Variants in IGF1R observed in about 807,000 individuals in gnomAD.
The protein encoded by IGF1R is insulin like growth factor 1 receptor.
IGF1R carries 44 observed loss-of-function variants against 144.6 expected under a neutral mutation model. The ratio of observed to expected loss-of-function variants is 0.30; its 90% CI spans 0.24 to 0.39. The LOEUF is 0.39. Among genes scored for constraint, IGF1R ranks in the 10% least tolerant of loss-of-function variants. The pLI is 1.00. For missense variants in IGF1R, 1,355 were observed against 1,833.7 expected (o/e 0.74, Z 4.77); for synonymous variants, 795 against 722.8 (o/e 1.10, Z -1.60).
chr15:98,805,301 G>A (rs1272863802), intron 2 of IGF1R, among the ~76,000 whole-genome samples: 1 of 151,962 alleles, frequency 6.6e-6, no homozygotes, highest in Non-Finnish European at 1.5e-5. Flanking sequence ...CATCCCACAC[G>A]CTGATTTTTT....
intron 4 of IGF1R, among the ~76,000 whole-genome samples, chr15:98,898,691 C>G (rs1440283732): frequency 2.0e-5 from 3 of 152,150 alleles, no homozygotes; most frequent in Non-Finnish European, 2.9e-5. Context: ...ACAGTAAAAT[C>G]CCATTAATTG....
chr15:98,746,135 GA>G (rs966497447), intron 2 of IGF1R, among the ~76,000 whole-genome samples: 6 of 152,188 alleles, frequency 3.9e-5, no homozygotes, highest in African/African-American at 1.4e-4. Context: ...TAAAGTTAAG[GA>G]GGGTAAATAA....
chr15:98,706,400 G>C (rs2053862958), intron 1 of IGF1R, among the ~76,000 whole-genome samples: 1 of 152,198 alleles, frequency 6.6e-6, no homozygotes, highest in Non-Finnish European at 1.5e-5. Context: ...TAGAAAATAA[G>C]TCATCCAGTA....
At position 98,958,375 on chromosome 15, in the gene IGF1R, A is replaced by G; in HGVS notation, c.*933A>G. On this transcript the variant is annotated 3_prime_UTR_variant, in exon 21 of 21. Transcript: ENST00000650285. ...AGCCTGGCGGACAGGCTTGGAGTCA[A>G]GGGGCCCCATGCCTGCTTCTCTCCC... 1 of 218,978 alleles carries G rather than the reference A, an allele frequency of 4.6e-6. No individual in the cohort carries two copies. The highest frequency in any genetic ancestry group is 6.6e-5 in the East Asian group (1 of 15,146). 13.6% of individuals were successfully genotyped at this position (218,978 alleles called of 1,614,324 possible). A position where few individuals can be genotyped will look rare whatever the true frequency, so the allele number is the denominator to read the frequency against.
At chr15:98,672,693 CA>C (rs2052927885) in intron 1 of IGF1R, among the ~76,000 whole-genome samples, 1 of 151,572 alleles carries the variant, frequency 6.6e-6, no homozygotes, top group Non-Finnish European at 1.5e-5. Flanking sequence ...TTGAGAAATA[CA>C]AAAACCTTTC....
chr15:98,913,653 A>G (rs577334883), intron 8 of IGF1R, among the ~76,000 whole-genome samples: 1 of 152,252 alleles, frequency 6.6e-6, no homozygotes, highest in East Asian at 1.9e-4. Context: ...GTTCCACTTA[A>G]TTCATGTAGC....
chr15:98,757,081 A>G (rs751260645), intron 2 of IGF1R, among the ~76,000 whole-genome samples: 4 of 152,230 alleles, frequency 2.6e-5, no homozygotes, highest in Non-Finnish European at 2.9e-5. Context: ...TAGTAAATCA[A>G]ACTTACTGAT....
chr15:98,958,803 TC>T lies in IGF1R; in HGVS notation c.*1362del. On this transcript the variant is annotated 3_prime_UTR_variant, in exon 21 of 21. Transcript: ENST00000650285. The stretch of plus-strand genomic sequence containing the variant: ...CCCTTTCTGCTCACTCCAAGAAACT[TC>T]TTATGCTTTGTACTAGAGTGCGTGA... 4.3e-6 allele frequency: 1 copy of T among 233,252 alleles called. No homozygotes were observed. Among genetic ancestry groups the T allele is most frequent in the South Asian group, 1.8e-4 (1 of 5,514 alleles). The allele number at this position is 233,252 out of a possible 1,614,324, so 14.4% of individuals were successfully genotyped here. A position where few individuals can be genotyped will look rare whatever the true frequency, so the allele number is the denominator to read the frequency against.
intron 2 of IGF1R, among the ~76,000 whole-genome samples, chr15:98,835,669 CAG>C (rs2057087194): frequency 6.6e-6 from 1 of 152,212 alleles, no homozygotes; most frequent in African/African-American, 2.4e-5. Flanking sequence ...AAAGGAGTCA[CAG>C]AGGAATCAAA....
chr15:98,850,323 C>CT (rs2011484747), intron 2 of IGF1R, among the ~76,000 whole-genome samples: 2 of 152,184 alleles, frequency 1.3e-5, no homozygotes, highest in South Asian at 4.1e-4. Context: ...CAGAGGAGGC[C>CT]TTCAGGCTGA....
intron 20 of IGF1R, 82 bp downstream of exon 20, chr15:98,948,790 A>G (rs2016655850): frequency 2.0e-6 from 3 of 1,490,926 alleles, no homozygotes; most frequent in Non-Finnish European, 1.9e-6. Flanking sequence ...AGATTAGGAG[A>G]TTAAAGCCAT....
chr15:98,651,988 G>T (rs1291075594), intron 1 of IGF1R, among the ~76,000 whole-genome samples: 1 of 152,182 alleles, frequency 6.6e-6, no homozygotes, highest in Non-Finnish European at 1.5e-5. Flanking sequence ...AGCCCTATCA[G>T]GGAGGGCGTT....
chr15:98,728,529 G>T (rs937456262), intron 2 of IGF1R, among the ~76,000 whole-genome samples: 8 of 152,350 alleles, frequency 5.3e-5, no homozygotes, highest in African/African-American at 1.9e-4. Context: ...ATTTGAATAG[G>T]TCTCATGACA....
chr15:98,796,004 G>T (rs766132245), intron 2 of IGF1R, among the ~76,000 whole-genome samples: 3 of 152,194 alleles, frequency 2.0e-5, no homozygotes, highest in Non-Finnish European at 2.9e-5. Flanking sequence ...GTGTTCCTCT[G>T]GAGTGTGGTC....
At chr15:98,690,754 G>A (rs534119091) in intron 1 of IGF1R, among the ~76,000 whole-genome samples, 8 of 152,224 alleles carry the variant, frequency 5.3e-5, no homozygotes, top group Non-Finnish European at 7.3e-5. Flanking sequence ...AGGAACTACT[G>A]GCCCATCAGC....
intron 2 of IGF1R, among the ~76,000 whole-genome samples, chr15:98,868,827 A>T (rs1356615833): frequency 6.6e-6 from 1 of 152,162 alleles, no homozygotes; most frequent in Admixed American, 6.5e-5. Context: ...GTACCTTCCT[A>T]CTACTACTAA....
intron 2 of IGF1R, among the ~76,000 whole-genome samples, chr15:98,878,830 A>T (rs1487755604): frequency 6.6e-6 from 1 of 152,016 alleles, no homozygotes; most frequent in African/African-American, 2.4e-5. Context: ...CCCCGTCTCT[A>T]CTAAAAATAC....
intron 2 of IGF1R, among the ~76,000 whole-genome samples, chr15:98,875,549 T>C (rs977874765): frequency 3.3e-5 from 5 of 151,968 alleles, no homozygotes; most frequent in African/African-American, 4.8e-5. Context: ...GTATGAACTT[T>C]TTTTTTTTTT....
rs1474783779 is a variant in IGF1R at position 98,868,374 on chromosome 15, G to T, written c.641-22951G>T. Among the ~76,000 whole-genome samples, 6 of 119,066 alleles carry T rather than the reference G, an allele frequency of 5.0e-5. No homozygotes were observed. In the East Asian group the frequency reaches 1.9e-3, roughly 37 times the overall value. 78.1% of individuals were successfully genotyped at this position (119,066 alleles called of 152,430 possible). A position where few individuals can be genotyped will look rare whatever the true frequency, so the allele number is the denominator to read the frequency against. ...AATCTGTTGGGTTTTTTTTTTTGGG[G>T]GGGGGGTCCTTTAGAATGGCCCTGA... On this transcript the variant is annotated intron_variant, in intron 2 of 20. Transcript: ENST00000650285.
Sources: gnomAD v4.1 joint callset for allele counts (sites outside exome capture counted in the v4.1 genomes callset) on GRCh38, gnomAD v4.1.1 for gene constraint, MANE v1.5 for transcripts, NCBI Gene and HGNC (gene_info 2026-07-23, HGNC 2026-07-21) for gene names.